DPP6: variants seen among roughly 807,000 people sequenced by gnomAD.
The protein encoded by DPP6 is dipeptidyl peptidase like 6.
Under a neutral mutation model 122.6 loss-of-function variants are expected in DPP6, and 69 were observed. The ratio of observed to expected loss-of-function variants is 0.56; its 90% CI spans 0.46 to 0.69. DPP6 has a LOEUF of 0.69. Ranked by LOEUF, DPP6 falls within the 30% of genes least tolerant of loss-of-function variation. DPP6 has a pLI of 0.00. For missense variants in DPP6, 928 were observed against 1,116.9 expected, an observed-to-expected ratio of 0.83 and a Z score of 2.41; for synonymous variants, 418 against 433.1, an observed-to-expected ratio of 0.97 and a Z score of 0.43.
the DPP6 span, among the ~76,000 whole-genome samples, chr7:153,846,271 C>A: frequency 3.3e-5 from 5 of 152,130 alleles, no homozygotes; most frequent in African/African-American, 1.2e-4. Flanking sequence ...TAATTATTCC[C>A]AGAAGTGTCT....
chr7:153,763,624 C>CT, the DPP6 span, among the ~76,000 whole-genome samples: 1 of 152,016 alleles, frequency 6.6e-6, no homozygotes, highest in Non-Finnish European at 1.5e-5. Context: ...TTGTATCTTG[C>CT]TTTTTTAGAA....
At chr7:154,079,410 A>C (rs952712548) in intron 1 of DPP6, among the ~76,000 whole-genome samples, 6 of 152,186 alleles carry the variant, frequency 3.9e-5, no homozygotes, top group Middle Eastern at 3.2e-3. Flanking sequence ...GAGAAAAGTT[A>C]AGTACTGCGT....
At chr7:154,173,320 G>A (rs190804051) in intron 1 of DPP6, among the ~76,000 whole-genome samples, 12 of 152,336 alleles carry the variant, frequency 7.9e-5, no homozygotes, top group Admixed American at 7.2e-4. Context: ...GGAATCTATG[G>A]ACAGGGTTTT....
At chr7:154,684,590 C>T (rs909608337) in intron 7 of DPP6, among the ~76,000 whole-genome samples, 2 of 152,170 alleles carry the variant, frequency 1.3e-5, no homozygotes, top group Non-Finnish European at 2.9e-5. Context: ...CATCTCTAGC[C>T]ACACCCTGTG....
intron 1 of DPP6, among the ~76,000 whole-genome samples, chr7:153,991,153 G>C (rs1797160149): frequency 1.3e-5 from 2 of 152,170 alleles, no homozygotes; most frequent in Non-Finnish European, 1.5e-5. Context: ...GGATGGATGG[G>C]AAAGGAGGAA....
intron 1 of DPP6, among the ~76,000 whole-genome samples, chr7:153,968,431 T>C (rs1795861367): frequency 6.6e-6 from 1 of 152,288 alleles, no homozygotes; most frequent in East Asian, 1.9e-4. Flanking sequence ...TTATTTTAAA[T>C]TCCTTGTAGA....
At chr7:153,950,834 G>T (rs1228952251) in intron 1 of DPP6, among the ~76,000 whole-genome samples, 4 of 152,266 alleles carry the variant, frequency 2.6e-5, no homozygotes, top group Admixed American at 2.6e-4. Flanking sequence ...GTAAAGAGTT[G>T]GCTCTCTAGG....
In DPP6 at chr7:154,112,634, G is replaced by A. The variant is rs553217267; in HGVS notation, c.243+59571G>A. On this transcript the variant is annotated intron_variant, in intron 1 of 25. Transcript: ENST00000377770. ...CACTCCTGCTTGGGCAACAGAGTGA[G>A]ACTCCATCTCAAAAAAAGAAAAAAA... Among the ~76,000 whole-genome samples the A allele has an allele frequency of 3.2e-4, 48 of 150,222 alleles. 1 individual carries two copies. The East Asian group carries it at 5.9e-3, about 18-fold the overall frequency.
chr7:154,627,528 G>A (rs1025614924), intron 5 of DPP6, among the ~76,000 whole-genome samples: 6 of 152,058 alleles, frequency 3.9e-5, no homozygotes, highest in Admixed American at 2.0e-4. Context: ...ATAACAAGAC[G>A]TTTAACTTCA....
the DPP6 span, among the ~76,000 whole-genome samples, chr7:153,846,729 G>A: frequency 8.9e-6 from 1 of 112,460 alleles, no homozygotes; most frequent in Middle Eastern, 0.01. Flanking sequence ...GTCTCGCTCT[G>A]TTACCCAGGC....
At chr7:154,816,934 G>A (rs369233395) in intron 16 of DPP6, among the ~76,000 whole-genome samples, 3 of 152,278 alleles carry the variant, frequency 2.0e-5, no homozygotes, top group South Asian at 2.1e-4. Flanking sequence ...TGTGTCCACC[G>A]TGGTCCTCAC....
intron 1 of DPP6, among the ~76,000 whole-genome samples, chr7:154,443,286 T>C (rs1819536392): frequency 1.3e-5 from 2 of 152,094 alleles, no homozygotes; most frequent in Admixed American, 6.6e-5. Flanking sequence ...TTTTCTCTTC[T>C]CTTAGTGAGC....
Position 153,921,405 on chromosome 7 carries a change from C to T in DPP6, c.51+33671C>T, listed in dbSNP as rs190593259. On this transcript the variant is annotated intron_variant, in intron 1 of 25. Transcript: ENST00000404039. The stretch of plus-strand genomic sequence containing the variant: ...ATGATGTTATCTTGTCACATTGTTC[C>T]AAAAACTATTAAATGCTGCTTACAA... Among the ~76,000 whole-genome samples, 460 of 152,316 alleles carry T rather than the reference C, an allele frequency of 3.0e-3. 2 individuals carry two copies. The highest frequency in any genetic ancestry group is 0.01 in the African/African-American group (421 of 41,574).
intron 8 of DPP6, among the ~76,000 whole-genome samples, chr7:154,730,305 G>C (rs545064986): frequency 1.3e-5 from 2 of 152,112 alleles, no homozygotes; most frequent in Non-Finnish European, 2.9e-5. Flanking sequence ...AGGCTGTGGA[G>C]CTGCAGGGAC....
chr7:153,964,991 C>CCTTCCTTT lies in DPP6; in HGVS notation c.51+77265_51+77272dup, dbSNP rs761784532. Reference sequence around the variant, plus strand: ...TTCATTTCTTTTCCCTTCCTTCCTTCCTTCCTTTCTTCCTTCCTTCCTTCC... The same window carrying CCTTCCTTT: ...TTCATTTCTTTTCCCTTCCTTCCTTCCTTCCTTTCTTCCTTTCTTCCTTCCTTCCTTCC... On this transcript the variant is annotated intron_variant, in intron 1 of 25. Transcript: ENST00000404039. Among the ~76,000 whole-genome samples the CCTTCCTTT allele has an allele frequency of 3.5e-5, 2 of 57,188 alleles. 1 individual carries two copies. The highest frequency in any genetic ancestry group is 6.9e-5 in the Non-Finnish European group (2 of 29,076). The allele number at this position is 57,188 out of a possible 152,430, so 37.5% of individuals were successfully genotyped here.
chr7:153,888,336 C>T (rs543486637), intron 1 of DPP6, among the ~76,000 whole-genome samples: 140 of 152,334 alleles, frequency 9.2e-4, no homozygotes, highest in Middle Eastern at 3.4e-3. Context: ...GGCACTTCGT[C>T]CCCCAGGAGG....
intron 3 of DPP6, among the ~76,000 whole-genome samples, chr7:154,489,832 G>T (rs189058333): frequency 6.6e-6 from 1 of 152,192 alleles, no homozygotes; most frequent in African/African-American, 2.4e-5. Flanking sequence ...CCTGCCTCAG[G>T]TACCTTTCTC....
intron 1 of DPP6, among the ~76,000 whole-genome samples, chr7:154,160,841 C>T (rs1387892390): frequency 1.3e-5 from 2 of 152,144 alleles, no homozygotes; most frequent in Non-Finnish European, 2.9e-5. Flanking sequence ...CTAATACAGT[C>T]AGAAGAGGAC....
chr7:154,182,654 C>A (rs751633681), intron 1 of DPP6, among the ~76,000 whole-genome samples: 18 of 151,910 alleles, frequency 1.2e-4, no homozygotes, highest in African/African-American at 4.3e-4. Context: ...GCAGCCTTTC[C>A]GGAGGTGAAG....
Sources: gnomAD v4.1 joint callset for allele counts (sites outside exome capture counted in the v4.1 genomes callset) on GRCh38, gnomAD v4.1.1 for gene constraint, MANE v1.5 for transcripts, NCBI Gene and HGNC (gene_info 2026-07-23, HGNC 2026-07-21) for gene names.